EZR: variants seen among roughly 807,000 people sequenced by gnomAD.
The protein encoded by EZR is ezrin, also known as cytovillin 2.
Under a neutral mutation model 74.8 loss-of-function variants are expected in EZR, and 40 were observed. The observed-to-expected ratio is 0.53, with a 90% confidence interval of 0.42 to 0.70. The LOEUF (loss-of-function observed/expected upper bound fraction) is 0.70. Ranked by LOEUF, EZR falls within the 30% of genes least tolerant of loss-of-function variation. EZR has a pLI of 0.00. For synonymous variants in EZR, 341 were observed against 283.3 expected, an observed-to-expected ratio of 1.20 and a Z score of -2.05; for missense variants, 678 against 755.8, an observed-to-expected ratio of 0.90 and a Z score of 1.21.
rs368271385 is a variant in EZR at position 158,809,563 on chromosome 6, TTC to T, written c.12+8517_12+8518del. ...CACCACGATGCCTCTCCTCAGTAGT[TTC>T]TGAGTCCATGCTCAGAGTCCATGAT... is the stretch of plus-strand genomic sequence containing the variant. On this transcript the variant is annotated intron_variant, in intron 2 of 13. Coordinates refer to ENST00000367075, the MANE Select transcript of EZR (RefSeq NM_001111077.2). Among the ~76,000 whole-genome samples, 110 of 152,346 alleles carry T rather than the reference TTC, an allele frequency of 7.2e-4. 2 individuals carry two copies. The East Asian group carries it at 0.015, about 21-fold the overall frequency.
chr6:158,785,175 T>C, intron 5 of EZR, 134 bp downstream of exon 5: 1 of 1,133,932 alleles, frequency 8.8e-7, no homozygotes. Flanking sequence ...GTCAGTGACT[T>C]AATGACTAGC....
At chr6:158,779,458 G>C (rs1394094042) in intron 7 of EZR, among the ~76,000 whole-genome samples, 1 of 152,158 alleles carries the variant, frequency 6.6e-6, no homozygotes, top group African/African-American at 2.4e-5. Context: ...TCTTATCTTG[G>C]TATTTGGACT....
At chr6:158,797,210 C>G (rs1328140117) in intron 2 of EZR, among the ~76,000 whole-genome samples, 1 of 152,164 alleles carries the variant, frequency 6.6e-6, no homozygotes, top group Non-Finnish European at 1.5e-5. Flanking sequence ...AAGATCAGTT[C>G]CTCCACAAAC....
chr6:158,801,681 T>C (rs1777190298), intron 2 of EZR, among the ~76,000 whole-genome samples: 1 of 152,222 alleles, frequency 6.6e-6, no homozygotes, highest in South Asian at 2.1e-4. Flanking sequence ...TCATCCAGTG[T>C]TGGAACTCAC....
In EZR at chr6:158,818,122, C is replaced by T. The variant is rs201369738; in HGVS notation, c.-29G>A. The T allele has an allele frequency of 3.5e-4, 558 of 1,606,882 alleles. No individual in the cohort carries two copies. Among genetic ancestry groups the T allele is most frequent in the Non-Finnish European group, 4.6e-4 (544 of 1,175,288 alleles). ...CGGTTTCTGGTGAGTATCCTCGATCCCCGAAAACACGACTATCCAGCAGCA... is the reference window on the plus strand; with the variant it reads ...CGGTTTCTGGTGAGTATCCTCGATCTCCGAAAACACGACTATCCAGCAGCA... On this transcript the variant is annotated 5_prime_UTR_variant, in exon 2 of 14. Transcript: ENST00000367075.
chr6:158,770,918 A>G, intron 9 of EZR, 24 bp from the exon 10 acceptor site: 2 of 1,614,126 alleles, frequency 1.2e-6, no homozygotes, highest in East Asian at 4.5e-5. Context: ...AAAGAGGCAC[A>G]GGGAGATTTA....
At position 158,785,511 on chromosome 6, in the gene EZR, C is replaced by T; in HGVS notation, c.265G>A (p.Val89Met). Residue 89 changes from valine (V) to methionine (M), a missense_variant, in exon 5 of 14, where the codon GTG becomes ATG. Around this residue, in one of 3 missense-constraint regions of EZR, gnomAD observed 217 missense variants for 232.2 expected, o/e 0.93. Coordinates refer to ENST00000367075, the MANE Select transcript of EZR (RefSeq NM_001111077.2). ...ATGTCCTGGATGAGCTCCTCAGCCA[C>T]ATCTTCAGGGTAGAACTTGGCCCGG... ...KFRAKFYPED[V>M]AEELIQDITQ... The T allele has an allele frequency of 6.2e-7, 1 of 1,614,212 alleles. No individual in the cohort carries two copies. The highest frequency in any genetic ancestry group is 2.2e-5 in the East Asian group (1 of 44,886).
intron 7 of EZR, among the ~76,000 whole-genome samples, chr6:158,781,844 A>T (rs1791441943): frequency 6.6e-6 from 1 of 150,816 alleles, no homozygotes; most frequent in Non-Finnish European, 1.5e-5. Flanking sequence ...GCTTACTACA[A>T]CCTCTGCCTC....
chr6:158,809,936 C>A (rs374374276), intron 2 of EZR, among the ~76,000 whole-genome samples: 1 of 152,294 alleles, frequency 6.6e-6, no homozygotes, highest in African/African-American at 2.4e-5. Flanking sequence ...GATAGTTTAC[C>A]TACCCCATCC....
intron 2 of EZR, among the ~76,000 whole-genome samples, chr6:158,812,096 G>A (rs1031098114): frequency 2.0e-5 from 3 of 152,146 alleles, no homozygotes; most frequent in African/African-American, 7.2e-5. Context: ...CAAGTCAGAA[G>A]AATATTATGT....
At chr6:158,772,061 G>A (rs932010872) in intron 8 of EZR, among the ~76,000 whole-genome samples, 1 of 152,124 alleles carries the variant, frequency 6.6e-6, no homozygotes, top group African/African-American at 2.4e-5. Context: ...AGCCTCCGCT[G>A]TGCACTCGGT....
chr6:158,769,460 T>TTCAACGGAG (rs1414016374), intron 11 of EZR, 42 bp from the exon 12 acceptor site: 50 of 1,577,112 alleles, frequency 3.2e-5, no homozygotes, highest in Non-Finnish European at 4.2e-5. Flanking sequence ...CTGATATCCT[T>TTCAACGGAG]TCAACGGAGT....
intron 8 of EZR, 104 bp from the exon 9 acceptor site, chr6:158,771,511 TAGC>T: frequency 1.6e-6 from 2 of 1,253,164 alleles, no homozygotes; most frequent in Non-Finnish European, 2.2e-6. Context: ...AGAACAAATG[TAGC>T]AGAACAGGGA....
At chr6:158,788,833 G>A (rs1791653498) in intron 3 of EZR, among the ~76,000 whole-genome samples, 1 of 152,096 alleles carries the variant, frequency 6.6e-6, no homozygotes. Flanking sequence ...CGATCACTTA[G>A]AAATGAGAAG....
At chr6:158,767,708 A>G (rs572750359) in intron 12 of EZR, among the ~76,000 whole-genome samples, 196 bp from the exon 13 acceptor site, 1 of 152,250 alleles carries the variant, frequency 6.6e-6, no homozygotes, top group East Asian at 1.9e-4. Context: ...AGGAAGAGGA[A>G]CTGTGATGCC....
intron 2 of EZR, among the ~76,000 whole-genome samples, chr6:158,804,761 T>C (rs1304389440): frequency 2.9e-5 from 4 of 137,202 alleles, no homozygotes; most frequent in Non-Finnish European, 4.6e-5. Flanking sequence ...CTTTCTTTTT[T>C]TCTTATTTTT....
At chr6:158,803,204 T>C (rs1012302007) in intron 2 of EZR, among the ~76,000 whole-genome samples, 1 of 151,942 alleles carries the variant, frequency 6.6e-6, no homozygotes, top group African/African-American at 2.4e-5. Context: ...AACTGACTTT[T>C]CACGTATCTA....
At chr6:158,803,624 T>TATATATATAC (rs1562504673) in intron 2 of EZR, among the ~76,000 whole-genome samples, 1 of 30,920 alleles carries the variant, frequency 3.2e-5, no homozygotes, top group Non-Finnish European at 8.0e-5. Flanking sequence ...TATATATATA[T>TATATATATAC]ACATATACAT....
In EZR at chr6:158,771,012, T is replaced by C. The variant is rs912992690; in HGVS notation, c.960-118A>G. 43 of 1,503,294 alleles carry C rather than the reference T, an allele frequency of 2.9e-5. No individual in the cohort carries two copies. The Admixed American group carries it at 7.8e-4, about 27-fold the overall frequency. 93.1% of individuals were successfully genotyped at this position (1,503,294 alleles called of 1,614,324 possible). On this transcript the variant is annotated intron_variant, in intron 9 of 13. Transcript: ENST00000367075. ...GGACTTGGTATCCTGAGGGCCACCCTAGCCTGCTGCCAGCCTGAGCTGCCT... is the reference window on the plus strand; with the variant it reads ...GGACTTGGTATCCTGAGGGCCACCCCAGCCTGCTGCCAGCCTGAGCTGCCT...
Sources: gnomAD v4.1 joint callset for allele counts (sites outside exome capture counted in the v4.1 genomes callset) on GRCh38, gnomAD v4.1.1 for gene constraint, gnomAD v4.1.1 regional missense constraint, MANE v1.5 for transcripts, NCBI Gene and HGNC (gene_info 2026-07-23, HGNC 2026-07-21) for gene names.